Variants in DENND2D observed in about 807,000 individuals in gnomAD.
DENND2D encodes the protein DENN domain containing 2D.
Under a neutral mutation model 59.8 loss-of-function variants are expected in DENND2D, and 37 were observed. That is an observed-to-expected ratio of 0.62 (90% CI 0.48 to 0.81). DENND2D has a LOEUF of 0.81. Among genes scored for constraint, DENND2D ranks in the 40% least tolerant of loss-of-function variants. The probability of loss-of-function intolerance (pLI) is 0.00; values close to 1 mark genes in which losing one functional copy is unlikely to be tolerated. For missense variants in DENND2D, 525 were observed against 579.7 expected, an observed-to-expected ratio of 0.91 and a Z score of 0.97; for synonymous variants, 219 against 211.3, an observed-to-expected ratio of 1.04 and a Z score of -0.31.
At position 111,187,517 on chromosome 1, in the gene DENND2D, C is replaced by A. The variant is rs1657327721; in HGVS notation, c.*88G>T. On this transcript the variant is annotated 3_prime_UTR_variant, in exon 12 of 12. Transcript: ENST00000357640. ...AGAGTGAGGATATGGATTTTGGGAG[C>A]TGACAGTTTTGCTGATCCTGCCACA... 9.2e-7 allele frequency: 1 copy of A among 1,081,870 alleles called. No individual in the cohort carries two copies. The highest frequency in any genetic ancestry group is 2.4e-5 in the East Asian group (1 of 42,162). The allele number at this position is 1,081,870 out of a possible 1,614,324, so 67.0% of individuals were successfully genotyped here. A position where few individuals can be genotyped will look rare whatever the true frequency, so the allele number is the denominator to read the frequency against.
chr1:111,198,847 G>A lies in DENND2D; in HGVS notation c.244-105C>T, dbSNP rs3748713. 3.4e-3 allele frequency: 3,901 copies of A among 1,145,514 alleles called. 19 individuals are homozygous for A. The highest frequency in any genetic ancestry group is 4.7e-3 in the South Asian group (355 of 75,604). 71.0% of individuals were successfully genotyped at this position (1,145,514 alleles called of 1,614,324 possible). ...TCCTTTGAGGCTCTAAAGCAGTCTA[G>A]GGTTAAGCTTCTCCACTAGCATAGG... On this transcript the variant is annotated intron_variant, in intron 2 of 11. Transcript: ENST00000357640.
intron 8 of DENND2D, 98 bp downstream of exon 8, chr1:111,192,042 T>C: frequency 8.6e-7 from 1 of 1,157,102 alleles, no homozygotes; most frequent in Non-Finnish European, 1.2e-6. Context: ...AGAGGTAAGG[T>C]AACTTGCCCC....
At position 111,198,650 on chromosome 1, in the gene DENND2D, T is replaced by C. The variant is rs914427686; in HGVS notation, c.336A>G (p.Ala112=). 4 of 1,614,044 alleles carry C rather than the reference T, an allele frequency of 2.5e-6. No homozygotes were observed. Among genetic ancestry groups the C allele is most frequent in the East Asian group, 2.2e-5 (1 of 44,884 alleles). The change falls in exon 3 of 12, where the codon GCA becomes GCG. Residue 112 remains alanine (A), a synonymous_variant. Coordinates refer to ENST00000357640, the MANE Select transcript of DENND2D (RefSeq NM_024901.5). The stretch of plus-strand genomic sequence containing the variant: ...ATTACCTGGGATACTCGGTGAGTGA[T>C]GCCCACTCATTCCCATCTGGGAAGC... ...LFCFPDGNEW[A]SLTEYPRETF...
At chr1:111,200,685 G>T (rs553110756), upstream of DENND2D, 341 of 1,320,908 alleles carry the variant, frequency 2.6e-4, 4 homozygotes, top group South Asian at 4.8e-3. Flanking sequence ...AGCACCAACA[G>T]AGTCAGCATC....
At position 111,194,574 on chromosome 1, in the gene DENND2D, C is replaced by T; in HGVS notation, c.794+4G>A. The T allele has an allele frequency of 6.2e-7, 1 of 1,613,628 alleles. No individual in the cohort carries two copies. Among genetic ancestry groups the T allele is most frequent in the South Asian group, 1.1e-5 (1 of 91,050 alleles). On this transcript the variant is annotated splice_donor_region_variant and intron_variant, in intron 7 of 11. Coordinates refer to ENST00000357640, the MANE Select transcript of DENND2D (RefSeq NM_024901.5). ...CAGGTGAGCCGTCCAGGGGCTGGGC[C>T]CACCTGAGACCTTCCGCCAGGAAGA...
chr1:111,199,991 T>G (rs1055112351), intron 1 of DENND2D, 193 bp from the exon 2 acceptor site: 4 of 676,386 alleles, frequency 5.9e-6, no homozygotes, highest in Non-Finnish European at 9.6e-6. Context: ...CTGGTAGACT[T>G]GAAACCATGG....
chr1:111,197,732 G>A (rs1261879769), intron 4 of DENND2D, 188 bp downstream of exon 4: 1 of 1,425,330 alleles, frequency 7.0e-7, no homozygotes, highest in Non-Finnish European at 9.1e-7. Flanking sequence ...GCGGGAGAAG[G>A]GGCATCAGGT....
intron 6 of DENND2D, among the ~76,000 whole-genome samples, 198 bp from the exon 7 acceptor site, chr1:111,194,924 C>T (rs922758984): frequency 6.6e-6 from 1 of 152,056 alleles, no homozygotes; most frequent in Non-Finnish European, 1.5e-5. Context: ...CTGCACCCTC[C>T]CTCACTCGCC....
upstream of DENND2D, chr1:111,204,288 G>A (rs964469729): frequency 3.9e-5 from 58 of 1,477,454 alleles, 2 homozygotes; most frequent in African/African-American, 4.8e-4. Flanking sequence ...TCCCCGGCCG[G>A]CACTAACCCC....
upstream of DENND2D, among the ~76,000 whole-genome samples, chr1:111,203,634 A>G (rs1329329495): frequency 6.6e-6 from 1 of 152,180 alleles, no homozygotes; most frequent in Non-Finnish European, 1.5e-5. Context: ...GGACGGGGGA[A>G]TTATGTCCAT....
chr1:111,204,369 C>T, upstream of DENND2D: 1 of 1,417,778 alleles, frequency 7.1e-7, no homozygotes. Flanking sequence ...CTGGAGTGCC[C>T]GGCTCCCGCT....
At chr1:111,197,298 AG>A in intron 4 of DENND2D, 45 bp from the exon 5 acceptor site, 1 of 1,585,766 alleles carries the variant, frequency 6.3e-7, no homozygotes, top group Non-Finnish European at 8.6e-7. Flanking sequence ...AGCCTCCCCA[AG>A]GGCTTCTCCC....
intron 1 of DENND2D, 173 bp from the exon 2 acceptor site, chr1:111,199,971 C>T (rs1439156846): frequency 2.9e-5 from 22 of 749,252 alleles, no homozygotes; most frequent in Non-Finnish European, 4.6e-5. Flanking sequence ...GGGCAGTTTC[C>T]ACACCTGCCC....
intron 8 of DENND2D, among the ~76,000 whole-genome samples, chr1:111,191,921 A>G (rs913184937): frequency 6.6e-6 from 1 of 152,160 alleles, no homozygotes; most frequent in African/African-American, 2.4e-5. Flanking sequence ...ATTGAGCATC[A>G]CCTGTGTGTC....
At position 111,197,247 on chromosome 1, in the gene DENND2D, C is replaced by A. The variant is rs150347742; in HGVS notation, c.433G>T (p.Gly145Cys). 108 of 1,612,786 alleles carry A rather than the reference C, an allele frequency of 6.7e-5. No individual in the cohort carries two copies. The East Asian group carries it at 1.7e-3, about 25-fold the overall frequency. ...ACTTTGGGAAGGCGAGGGCCAGGGCCGGCAGGCTGGGGAGGGACAGAGAGG... is the reference window on the plus strand; with the variant it reads ...ACTTTGGGAAGGCGAGGGCCAGGGCAGGCAGGCTGGGGAGGGACAGAGAGG... ...IGYCRRLLPA[G>C]PGPRLPKVYC... The change falls in exon 5 of 12, where the codon GGC (glycine) becomes TGC (cysteine). Residue 145 changes from glycine (G) to cysteine (C), a missense_variant. Coordinates refer to ENST00000357640, the MANE Select transcript of DENND2D (RefSeq NM_024901.5).
chr1:111,197,387 A>T lies in DENND2D; in HGVS notation c.427-134T>A, dbSNP rs1007254220. The T allele has an allele frequency of 1.2e-5, 17 of 1,474,384 alleles. No individual in the cohort carries two copies. The African/African-American group carries it at 2.4e-4, about 21-fold the overall frequency. 91.3% of individuals were successfully genotyped at this position (1,474,384 alleles called of 1,614,324 possible). A position where few individuals can be genotyped will look rare whatever the true frequency, so the allele number is the denominator to read the frequency against. The stretch of plus-strand genomic sequence containing the variant: ...GAATGGTGGGTGCAGCAGGGAGGTC[A>T]GAATGGCCACCAGCATCAAAAGAAG... On this transcript the variant is annotated intron_variant, in intron 4 of 11. Transcript: ENST00000357640.
rs1427997850 is a variant in DENND2D at position 111,188,284 on chromosome 1, G to A, written c.1186C>T (p.Arg396Trp). The A allele has an allele frequency of 1.2e-5, 19 of 1,614,034 alleles. No individual in the cohort carries two copies. Among genetic ancestry groups the A allele is most frequent in the African/African-American group, 9.3e-5 (7 of 74,928 alleles). ...IVGHYASYIK[R>W]EANGQGHFQE... The stretch of plus-strand genomic sequence containing the variant: ...AAGTGGCCTTGCCCATTTGCCTCCC[G>A]CTTGATATAGGAAGCATAATGGCCC... The change falls in exon 11 of 12, where the codon CGG (arginine) becomes TGG (tryptophan). Residue 396 changes from arginine to tryptophan, a missense_variant. Transcript: ENST00000357640.
chr1:111,200,297 T>C (rs1180873584), intron 1 of DENND2D, 96 bp downstream of exon 1: 2 of 1,493,808 alleles, frequency 1.3e-6, no homozygotes, highest in East Asian at 2.5e-5. Context: ...GAGGCCGAGA[T>C]ATAAAGGAAG....
In DENND2D at chr1:111,199,451, C is replaced by T. The variant is rs150974001; in HGVS notation, c.243+172G>A. On this transcript the variant is annotated intron_variant, in intron 2 of 11. Transcript: ENST00000357640. ...TAGACCTAGATTCTGTGGGTGATAA[C>T]AGAGAACTGGGGCTGTGCTAAGAAG... Among the ~76,000 whole-genome samples, 9 of 152,302 alleles carry T rather than the reference C, an allele frequency of 5.9e-5. 1 individual carries two copies. The highest frequency in any genetic ancestry group is 2.2e-4 in the African/African-American group (9 of 41,554).
Sources: gnomAD v4.1 joint callset for allele counts (sites outside exome capture counted in the v4.1 genomes callset) on GRCh38, gnomAD v4.1.1 for gene constraint, MANE v1.5 for transcripts, NCBI Gene and HGNC (gene_info 2026-07-23, HGNC 2026-07-21) for gene names.